Variants in RELN observed in about 807,000 individuals in gnomAD.
RELN encodes the protein reelin.
Under a neutral mutation model 427.6 loss-of-function variants are expected in RELN, and 108 were observed. The ratio of observed to expected loss-of-function variants is 0.25; its 90% CI spans 0.22 to 0.30. RELN has a LOEUF of 0.30. Ranked by LOEUF, RELN falls within the 10% of genes least tolerant of loss-of-function variation. The pLI, the probability that RELN is intolerant of heterozygous loss-of-function variation, is 1.00. For synonymous variants in RELN, 1,524 were observed against 1,513.4 expected (o/e 1.01, Z -0.16); for missense variants, 3,715 against 4,302.8 (o/e 0.86, Z 3.82).
chr7:103,646,711 C>T (rs1324100980), intron 16 of RELN, among the ~76,000 whole-genome samples: 2 of 151,912 alleles, frequency 1.3e-5, no homozygotes, highest in Non-Finnish European at 2.9e-5. Flanking sequence ...AAATCTTGTA[C>T]CAATCCTGCT....
At chr7:103,574,414 G>T in intron 29 of RELN, 115 bp from the exon 30 acceptor site, 1 of 865,126 alleles carries the variant, frequency 1.2e-6, no homozygotes, top group Non-Finnish European at 1.9e-6. Context: ...AGGGAGAGAG[G>T]CCACATGAAA....
intron 35 of RELN, 34 bp from the exon 36 acceptor site, chr7:103,561,743 G>A: frequency 6.2e-7 from 1 of 1,613,576 alleles, no homozygotes; most frequent in East Asian, 2.2e-5. Context: ...AAAGACATTT[G>A]TCACACGTTC....
intron 1 of RELN, among the ~76,000 whole-genome samples, chr7:103,919,463 T>C (rs1192086841): frequency 6.6e-6 from 1 of 152,142 alleles, no homozygotes; most frequent in East Asian, 1.9e-4. Context: ...CCTTTCTTTC[T>C]CTTTCACAGA....
intron 28 of RELN, among the ~76,000 whole-genome samples, chr7:103,587,783 A>G (rs1831311129): frequency 6.6e-6 from 1 of 152,202 alleles, no homozygotes; most frequent in African/African-American, 2.4e-5. Context: ...AAAAATGTCA[A>G]CATCACTAAT....
intron 20 of RELN, among the ~76,000 whole-genome samples, chr7:103,625,821 G>T (rs915515157): frequency 1.3e-5 from 2 of 152,056 alleles, no homozygotes; most frequent in Non-Finnish European, 2.9e-5. Context: ...ATGGGAACAG[G>T]TTTGGTAATT....
intron 3 of RELN, among the ~76,000 whole-genome samples, chr7:103,815,485 A>G (rs938635223): frequency 1.3e-5 from 2 of 152,222 alleles, no homozygotes; most frequent in Non-Finnish European, 2.9e-5. Flanking sequence ...AAAGATGAGT[A>G]TCATTGTATT....
At chr7:103,498,498 ATT>A (rs11289934) in intron 53 of RELN, among the ~76,000 whole-genome samples, 7 of 150,146 alleles carry the variant, frequency 4.7e-5, no homozygotes, top group South Asian at 4.2e-4. Flanking sequence ...GACTATATCA[ATT>A]TTTTTTTTTG....
chr7:103,907,362 G>A (rs1049593351), intron 2 of RELN, among the ~76,000 whole-genome samples: 1 of 116,976 alleles, frequency 8.5e-6, no homozygotes, highest in Non-Finnish European at 1.6e-5. Flanking sequence ...GTTGCAATAA[G>A]TTGAGATGAT....
At chr7:103,711,277 GT>G (rs1218274173) in intron 8 of RELN, among the ~76,000 whole-genome samples, 1 of 152,110 alleles carries the variant, frequency 6.6e-6, no homozygotes, top group Non-Finnish European at 1.5e-5. Context: ...AACTTTGTAT[GT>G]TTTTTCCTTA....
intron 4 of RELN, among the ~76,000 whole-genome samples, chr7:103,756,433 A>G (rs1285194687): frequency 1.3e-5 from 2 of 152,222 alleles, no homozygotes; most frequent in Non-Finnish European, 2.9e-5. Context: ...CTCTGTGTTA[A>G]GTACTCATCT....
intron 4 of RELN, among the ~76,000 whole-genome samples, chr7:103,764,540 A>G (rs1184786372): frequency 6.6e-6 from 1 of 152,026 alleles, no homozygotes; most frequent in Non-Finnish European, 1.5e-5. Flanking sequence ...GGGACAATAT[A>G]AAAGCACAAA....
In RELN at chr7:103,596,634, C is replaced by G; in HGVS notation, c.3361G>C (p.Asp1121His). The G allele has an allele frequency of 3.1e-6, 5 of 1,613,988 alleles. No homozygotes were observed. Among genetic ancestry groups the G allele is most frequent in the Non-Finnish European group, 4.2e-6 (5 of 1,179,904 alleles). Reference protein sequence around the residue: ...KAGKRQLVSWDLDTSWVDFVQ... With the variant: ...KAGKRQLVSWHLDTSWVDFVQ... ...AAGTCCACCCAAGAAGTATCCAGGTCCCAACTCACCAGCTGTCTTTTCCCA... is the reference window on the plus strand; with the variant it reads ...AAGTCCACCCAAGAAGTATCCAGGTGCCAACTCACCAGCTGTCTTTTCCCA... Residue 1121 changes from aspartate to histidine, a missense_variant, in exon 25 of 65, where the codon GAC becomes CAC. Coordinates refer to ENST00000428762, the MANE Select transcript of RELN (RefSeq NM_005045.4).
chr7:103,541,129 G>C (rs1830169733), intron 43 of RELN, among the ~76,000 whole-genome samples: 1 of 152,146 alleles, frequency 6.6e-6, no homozygotes, highest in Non-Finnish European at 1.5e-5. Context: ...TGCTGGGTCT[G>C]GGGATGGATG....
At chr7:103,665,535 C>T (rs1194748914) in intron 11 of RELN, among the ~76,000 whole-genome samples, 1 of 152,006 alleles carries the variant, frequency 6.6e-6, no homozygotes, top group African/African-American at 2.4e-5. Context: ...TATTAAAAAC[C>T]CTACTTGGAT....
At chr7:103,920,856 G>A (rs940619711) in intron 1 of RELN, among the ~76,000 whole-genome samples, 4 of 152,144 alleles carry the variant, frequency 2.6e-5, no homozygotes, top group Non-Finnish European at 4.4e-5. Flanking sequence ...TTACAGGCAT[G>A]AGCCACCATA....
intron 22 of RELN, among the ~76,000 whole-genome samples, chr7:103,605,908 A>G (rs1831807674): frequency 6.6e-6 from 1 of 152,202 alleles, no homozygotes; most frequent in South Asian, 2.1e-4. Context: ...CAGTAGACAC[A>G]GGGTTGCTGC....
At position 103,968,874 on chromosome 7, in the gene RELN, A is replaced by G. The variant is rs1415497804; in HGVS notation, c.226+20257T>C. On this transcript the variant is annotated intron_variant, in intron 1 of 64. Coordinates refer to ENST00000428762, the MANE Select transcript of RELN (RefSeq NM_005045.4). This position sits in a 1 kb window ranked among gnomAD's most constrained non-coding sequence, Gnocchi z 4.3. ...TTTGTATATGAATTGTCATGGTTTT[A>G]TGGAAATATAACAAGCCAGTAAGTA... 6.6e-6 allele frequency among the ~76,000 whole-genome samples: 1 copy of G among 152,232 alleles called. No individual in the cohort carries two copies. Among genetic ancestry groups the G allele is most frequent in the East Asian group, 1.9e-4 (1 of 5,208 alleles).
At chr7:103,746,471 T>G (rs1339336195) in intron 6 of RELN, among the ~76,000 whole-genome samples, 6 of 151,558 alleles carry the variant, frequency 4.0e-5, no homozygotes, top group African/African-American at 1.5e-4. Flanking sequence ...ACTATCAGAG[T>G]GAACAGGCAA....
intron 12 of RELN, among the ~76,000 whole-genome samples, chr7:103,658,310 T>C (rs1265498604): frequency 6.6e-6 from 1 of 152,130 alleles, no homozygotes; most frequent in Non-Finnish European, 1.5e-5. Context: ...AGGGAGAGAC[T>C]GTGATGTAAT....
Sources: allele counts gnomAD v4.1 joint callset (sites outside exome capture counted in the v4.1 genomes callset), GRCh38; gene constraint gnomAD v4.1.1; non-coding constraint Gnocchi (gnomAD v3.1); transcripts MANE v1.5; gene names NCBI Gene and HGNC (gene_info 2026-07-23, HGNC 2026-07-21).